Variants in UNC5D observed in about 807,000 individuals in gnomAD.
UNC5D encodes unc-5 netrin receptor D, also known as netrin receptor UNC5D.
A neutral mutation model predicts 105.4 loss-of-function variants in UNC5D; 39 were observed. The ratio of observed to expected loss-of-function variants is 0.37; its 90% CI spans 0.29 to 0.48. UNC5D has a LOEUF of 0.48. UNC5D is among the 20% of genes least tolerant of loss of function. The pLI is 0.98. For missense variants in UNC5D, 991 were observed against 1,202.4 expected, an observed-to-expected ratio of 0.82 and a Z score of 2.60; for synonymous variants, 452 against 450.4, an observed-to-expected ratio of 1.00 and a Z score of -0.04.
At position 35,611,812 on chromosome 8, in the gene UNC5D, C is replaced by A. The variant is rs532516423; in HGVS notation, c.570+16155C>A. Among the ~76,000 whole-genome samples the A allele has an allele frequency of 3.9e-5, 6 of 152,278 alleles. No homozygotes were observed. The South Asian group carries it at 1.2e-3, about 32-fold the overall frequency. ...CAAAACAATTCATTATCCCACACTG[C>A]ACTTTTTTATACTCCCTAATTAATG... On this transcript the variant is annotated intron_variant, in intron 4 of 16. Coordinates refer to ENST00000404895, the MANE Select transcript of UNC5D (RefSeq NM_080872.4).
intron 1 of UNC5D, among the ~76,000 whole-genome samples, chr8:35,425,341 G>A (rs1237089217): frequency 6.6e-6 from 1 of 152,112 alleles, no homozygotes; most frequent in African/African-American, 2.4e-5. Context: ...AGAGATCTGG[G>A]AAGTTTCCAC....
chr8:35,536,836 A>T (rs988855306), intron 1 of UNC5D, among the ~76,000 whole-genome samples: 13 of 152,110 alleles, frequency 8.5e-5, no homozygotes, highest in African/African-American at 3.1e-4. Context: ...TCTCTAATAA[A>T]AATACAAAAT....
chr8:35,759,296 T>G, intron 13 of UNC5D, 24 bp from the exon 14 acceptor site: 2 of 1,610,038 alleles, frequency 1.2e-6, no homozygotes, highest in Non-Finnish European at 1.7e-6. Context: ...TTATTGATCT[T>G]ATTTTCTTTT....
chr8:35,246,766 G>A (rs920643082), intron 1 of UNC5D, among the ~76,000 whole-genome samples: 23 of 152,138 alleles, frequency 1.5e-4, no homozygotes, highest in Non-Finnish European at 1.0e-4. Flanking sequence ...AAAGAATCAG[G>A]GAGCCAGTTG....
intron 1 of UNC5D, among the ~76,000 whole-genome samples, chr8:35,538,982 T>C (rs1356957078): frequency 3.3e-5 from 5 of 152,150 alleles, no homozygotes; most frequent in African/African-American, 9.7e-5. Context: ...GTAATATAGA[T>C]ATGTGCAGAA....
intron 1 of UNC5D, among the ~76,000 whole-genome samples, chr8:35,462,948 TG>T (rs1397957483): frequency 6.6e-6 from 1 of 152,202 alleles, no homozygotes; most frequent in East Asian, 1.9e-4. Flanking sequence ...AAAAGTAGAT[TG>T]TTTTTCATGT....
intron 4 of UNC5D, among the ~76,000 whole-genome samples, chr8:35,631,919 A>C (rs1026133687): frequency 1.3e-5 from 2 of 152,228 alleles, no homozygotes; most frequent in Non-Finnish European, 2.9e-5. Context: ...TATATTAGCC[A>C]GAACAATTAA....
At chr8:35,576,711 C>T (rs1818112807) in intron 3 of UNC5D, among the ~76,000 whole-genome samples, 1 of 152,172 alleles carries the variant, frequency 6.6e-6, no homozygotes, top group Non-Finnish European at 1.5e-5. Flanking sequence ...CTCCTGGGTT[C>T]ATGCCATTCT....
chr8:35,329,619 TTA>T (rs1263986938), intron 1 of UNC5D, among the ~76,000 whole-genome samples: 1 of 152,100 alleles, frequency 6.6e-6, no homozygotes, highest in African/African-American at 2.4e-5. Flanking sequence ...TTTCCATGTA[TTA>T]GGCCATGATC....
chr8:35,463,811 CA>C (rs1394048682), intron 1 of UNC5D, among the ~76,000 whole-genome samples: 2 of 150,340 alleles, frequency 1.3e-5, no homozygotes, highest in Admixed American at 6.6e-5. Context: ...AAAAAAATGA[CA>C]ACAATTTTGT....
At chr8:35,632,205 C>T (rs1236156808) in intron 4 of UNC5D, among the ~76,000 whole-genome samples, 1 of 152,154 alleles carries the variant, frequency 6.6e-6, no homozygotes, top group Admixed American at 6.5e-5. Context: ...GAAAAGTTTC[C>T]ATTTTTTCTA....
intron 4 of UNC5D, among the ~76,000 whole-genome samples, chr8:35,648,587 G>A (rs1219712426): frequency 6.7e-6 from 1 of 149,520 alleles, no homozygotes; most frequent in Non-Finnish European, 1.5e-5. Context: ...GCTGAGGCTG[G>A]AGAATGGCTT....
intron 4 of UNC5D, among the ~76,000 whole-genome samples, chr8:35,628,974 C>CTTA (rs1364603137): frequency 3.4e-4 from 51 of 152,212 alleles, no homozygotes; most frequent in African/African-American, 1.1e-3. Context: ...CAGTCAAATT[C>CTTA]CTCTCTGGTG....
intron 1 of UNC5D, among the ~76,000 whole-genome samples, chr8:35,524,649 A>G (rs1181057800): frequency 6.8e-6 from 1 of 147,148 alleles, no homozygotes; most frequent in Admixed American, 6.7e-5. Flanking sequence ...GCAAAAAAAA[A>G]AAAAAAGAAA....
intron 1 of UNC5D, among the ~76,000 whole-genome samples, chr8:35,508,448 C>A (rs1812474473): frequency 1.3e-5 from 2 of 152,178 alleles, no homozygotes; most frequent in South Asian, 4.1e-4. Flanking sequence ...GACTGTATTT[C>A]TCTTCAGAGA....
chr8:35,604,896 A>C (rs1183981881), intron 4 of UNC5D, among the ~76,000 whole-genome samples: 1 of 152,144 alleles, frequency 6.6e-6, no homozygotes, highest in Non-Finnish European at 1.5e-5. Context: ...CAGCTCCATC[A>C]GGTCCTTTAA....
At chr8:35,501,342 T>C (rs1039661908) in intron 1 of UNC5D, among the ~76,000 whole-genome samples, 1 of 152,240 alleles carries the variant, frequency 6.6e-6, no homozygotes, top group Admixed American at 6.5e-5. Flanking sequence ...TAGTTGTAGC[T>C]TTTGTACTGA....
intron 1 of UNC5D, among the ~76,000 whole-genome samples, chr8:35,527,831 C>T (rs1813993720): frequency 1.3e-5 from 2 of 152,072 alleles, no homozygotes; most frequent in African/African-American, 4.8e-5. Context: ...CACTCTTGGC[C>T]TCTCCTGTTT....
At chr8:35,661,511 A>G (rs1445084227) in intron 4 of UNC5D, among the ~76,000 whole-genome samples, 1 of 152,200 alleles carries the variant, frequency 6.6e-6, no homozygotes, top group Non-Finnish European at 1.5e-5. Flanking sequence ...TAACACTGAT[A>G]TCTGCAATGA....
Sources: gnomAD v4.1 joint callset for allele counts (sites outside exome capture counted in the v4.1 genomes callset) on GRCh38, gnomAD v4.1.1 for gene constraint, MANE v1.5 for transcripts, NCBI Gene and HGNC (gene_info 2026-07-23, HGNC 2026-07-21) for gene names.